Variants in CEP63 observed in about 807,000 individuals in gnomAD.
The protein encoded by CEP63 is centrosomal protein of 63 kDa.
In CEP63, 84 loss-of-function variants were observed where a neutral mutation model predicts 89.1. That is an observed-to-expected ratio of 0.94 (90% CI 0.79 to 1.13). The LOEUF (loss-of-function observed/expected upper bound fraction) is 1.13, where lower values mean the gene tolerates loss of function less well. CEP63 is among the 50% of genes most tolerant of loss of function. The probability of loss-of-function intolerance (pLI) is 0.00; values close to 1 mark genes in which losing one functional copy is unlikely to be tolerated. For synonymous variants in CEP63, 267 were observed against 272.5 expected, an observed-to-expected ratio of 0.98 and a Z score of 0.20; for missense variants, 838 against 813.3, an observed-to-expected ratio of 1.03 and a Z score of -0.37.
chr3:134,671,707 G>A, the CEP63 span, among the ~76,000 whole-genome samples: 1 of 152,218 alleles, frequency 6.6e-6, no homozygotes, highest in African/African-American at 2.4e-5. Context: ...AGGAGTGTCT[G>A]CTGCTGGGTA....
intron 3 of CEP63, among the ~76,000 whole-genome samples, chr3:134,514,721 A>T (rs1945825809): frequency 6.6e-6 from 1 of 152,230 alleles, no homozygotes. Context: ...ACATTTTCAG[A>T]TGAACAAAAA....
At chr3:134,662,981 G>C in the CEP63 span, among the ~76,000 whole-genome samples, 2 of 152,160 alleles carry the variant, frequency 1.3e-5, no homozygotes, top group African/African-American at 2.4e-5. Flanking sequence ...CAGATCTGTG[G>C]GCATTCACAC....
At chr3:134,537,923 T>C (rs763285025) in intron 6 of CEP63, among the ~76,000 whole-genome samples, 17 of 152,204 alleles carry the variant, frequency 1.1e-4, no homozygotes, top group Non-Finnish European at 2.4e-4. Flanking sequence ...TAGAAACTTT[T>C]CTTGTAATGG....
the CEP63 span, among the ~76,000 whole-genome samples, chr3:134,641,862 CT>C: frequency 6.6e-6 from 1 of 152,158 alleles, no homozygotes; most frequent in Non-Finnish European, 1.5e-5. Flanking sequence ...GGACAGGGGC[CT>C]TTGTCTGTCT....
intron 6 of CEP63, among the ~76,000 whole-genome samples, chr3:134,541,373 C>G (rs1295845989): frequency 1.3e-5 from 2 of 151,920 alleles, no homozygotes; most frequent in African/African-American, 2.4e-5. Flanking sequence ...CTAAAAATTA[C>G]TTTAGTGTAA....
intron 10 of CEP63, among the ~76,000 whole-genome samples, chr3:134,549,516 G>C (rs150203308): frequency 4.0e-4 from 61 of 152,154 alleles, no homozygotes; most frequent in African/African-American, 1.4e-3. Context: ...TTTTCTTATT[G>C]CCTAAAGATA....
At chr3:134,779,636 T>G in the CEP63 span, 1 of 152,240 alleles carries the variant, frequency 6.6e-6, no homozygotes. Flanking sequence ...GACTAAGTCC[T>G]CACTAGTGGA....
At chr3:134,606,050 G>A in the CEP63 span, among the ~76,000 whole-genome samples, 1 of 152,162 alleles carries the variant, frequency 6.6e-6, no homozygotes, top group Non-Finnish European at 1.5e-5. Flanking sequence ...GATCAATAGA[G>A]TTGCTATCCC....
At chr3:134,490,715 C>T (rs1023472826) in intron 1 of CEP63, among the ~76,000 whole-genome samples, 6 of 151,578 alleles carry the variant, frequency 4.0e-5, no homozygotes, top group African/African-American at 9.7e-5. Context: ...GCTTATTTTC[C>T]TTCCTTACTG....
the CEP63 span, chr3:134,650,781 C>G: frequency 6.6e-7 from 1 of 1,516,614 alleles, no homozygotes; most frequent in East Asian, 2.4e-5. Flanking sequence ...GCAAGGAGGC[C>G]AAGGTGCCGG....
the CEP63 span, among the ~76,000 whole-genome samples, chr3:134,774,841 A>G: frequency 1.3e-5 from 2 of 152,196 alleles, no homozygotes; most frequent in African/African-American, 4.8e-5. Context: ...AGTCTCAGTT[A>G]TCTGACTTCC....
chr3:134,500,820 C>T (rs1213809211), intron 2 of CEP63, among the ~76,000 whole-genome samples: 4 of 151,968 alleles, frequency 2.6e-5, no homozygotes, highest in Non-Finnish European at 5.9e-5. Context: ...TTTTTCTGTG[C>T]AGAAGCTCTT....
chr3:134,574,407 A>G (rs371501806), intron 11 of CEP63, among the ~76,000 whole-genome samples: 3 of 152,114 alleles, frequency 2.0e-5, no homozygotes, highest in Non-Finnish European at 4.4e-5. Context: ...AAACACTACA[A>G]ACAAGGCCAA....
chr3:134,690,340 T>C, the CEP63 span, among the ~76,000 whole-genome samples: 2 of 152,208 alleles, frequency 1.3e-5, no homozygotes. Flanking sequence ...TGTCAAGTTG[T>C]TATGGAAGTT....
At chr3:134,538,585 T>A (rs1460790118) in intron 6 of CEP63, among the ~76,000 whole-genome samples, 3 of 120,638 alleles carry the variant, frequency 2.5e-5, no homozygotes, top group African/African-American at 7.8e-5. Context: ...CAACAAAAAA[T>A]TTTTTTTGGT....
intron 3 of CEP63, among the ~76,000 whole-genome samples, chr3:134,512,811 A>G (rs1945298542): frequency 6.6e-6 from 1 of 152,204 alleles, no homozygotes; most frequent in Non-Finnish European, 1.5e-5. Context: ...ATTTTTTGTT[A>G]GATTAATATT....
At chr3:134,503,294 C>T (rs2370642) in intron 2 of CEP63, among the ~76,000 whole-genome samples, 100,717 of 151,192 alleles carry the variant, frequency 0.67, 33,890 homozygotes, top group East Asian at 0.82. Context: ...CAGGAGCATG[C>T]TGCTTAATTT....
At chr3:134,636,774 T>C in the CEP63 span, among the ~76,000 whole-genome samples, 1 of 152,380 alleles carries the variant, frequency 6.6e-6, no homozygotes, top group South Asian at 2.1e-4. Context: ...CACTGATGTT[T>C]GGTTTTATCA....
At chr3:134,691,840 C>G in the CEP63 span, among the ~76,000 whole-genome samples, 1 of 152,002 alleles carries the variant, frequency 6.6e-6, no homozygotes, top group Non-Finnish European at 1.5e-5. Flanking sequence ...CTGCCTCAGC[C>G]TCCTGAGTAC....
Sources: allele counts gnomAD v4.1 joint callset (sites outside exome capture counted in the v4.1 genomes callset), GRCh38; gene constraint gnomAD v4.1.1; transcripts MANE v1.5; gene names NCBI Gene and HGNC (gene_info 2026-07-23, HGNC 2026-07-21).